Variants in SOX5 observed in about 807,000 individuals in gnomAD.
SOX5 encodes the protein transcription factor SOX-5.
A neutral mutation model predicts 92.0 loss-of-function variants in SOX5; 9 were observed. That is an observed-to-expected ratio of 0.10 (90% CI 0.06 to 0.17). SOX5 has a LOEUF of 0.17. SOX5 is among the 10% of genes least tolerant of loss of function. The pLI, the probability that SOX5 is intolerant of heterozygous loss-of-function variation, is 1.00. For missense variants in SOX5, 642 were observed against 944.5 expected, an observed-to-expected ratio of 0.68 and a Z score of 4.20; for synonymous variants, 344 against 336.3, an observed-to-expected ratio of 1.02 and a Z score of -0.25.
intron 1 of SOX5, among the ~76,000 whole-genome samples, chr12:24,549,775 T>C (rs952329815): frequency 4.6e-5 from 7 of 152,334 alleles, no homozygotes; most frequent in African/African-American, 1.2e-4. Flanking sequence ...TTAAGAATCT[T>C]AGTCGCATCC....
rs188709055 is a variant in SOX5 at position 24,459,618 on chromosome 12, G to A, written c.-250-90979C>T. ...TGGAGACATTAAGAATCAGGGAAGG[G>A]AATAAAGAAAGAAACCGACAGGAGT... On this transcript the variant is annotated intron_variant, in intron 1 of 4. Coordinates refer to the SOX5 transcript ENST00000446891. Among the ~76,000 whole-genome samples, 357 of 152,170 alleles carry A rather than the reference G, an allele frequency of 2.3e-3. 1 individual carries two copies. Among genetic ancestry groups the A allele is most frequent in the Admixed American group, 5.3e-3 (81 of 15,278 alleles).
intron 3 of SOX5, among the ~76,000 whole-genome samples, chr12:23,770,307 A>C (rs2094891031): frequency 6.6e-6 from 1 of 151,676 alleles, no homozygotes; most frequent in African/African-American, 2.4e-5. Context: ...AACGCAGAGG[A>C]CTACTACTCA....
rs2094170904 is a variant in SOX5, at chr12:23,751,219, G to GA, written c.568+4418dup. 2.6e-5 allele frequency among the ~76,000 whole-genome samples: 4 copies of GA among 151,810 alleles called. No individual in the cohort carries two copies. In the South Asian group the frequency reaches 8.3e-4, roughly 31 times the overall value. On this transcript the variant is annotated intron_variant, in intron 4 of 14. Coordinates refer to ENST00000451604, the MANE Select transcript of SOX5 (RefSeq NM_006940.6). ...AATTCCAGATCCAACAGTTCTCTCAGAAAATAATAAACATTTCCAACCCCT... is the reference window on the plus strand; with the variant it reads ...AATTCCAGATCCAACAGTTCTCTCAGAAAAATAATAAACATTTCCAACCCCT...
intron 6 of SOX5, among the ~76,000 whole-genome samples, chr12:23,722,502 C>T (rs192261781): frequency 4.6e-5 from 7 of 152,220 alleles, no homozygotes; most frequent in Non-Finnish European, 1.0e-4. Flanking sequence ...TCTATAGTTA[C>T]ATATTTTTTA....
At chr12:23,779,814 T>TATATATATATATATAC (rs777013504) in intron 3 of SOX5, among the ~76,000 whole-genome samples, 31 of 110,796 alleles carry the variant, frequency 2.8e-4, no homozygotes, top group African/African-American at 7.8e-4. Flanking sequence ...TATATATATA[T>TATATATATATATATAC]ACACACACAC....
chr12:23,937,159 AC>A (rs1942758287), intron 1 of SOX5, among the ~76,000 whole-genome samples: 1 of 151,024 alleles, frequency 6.6e-6, no homozygotes, highest in Admixed American at 6.6e-5. Flanking sequence ...GTTTAAAAAG[AC>A]AAAGTATATC....
intron 3 of SOX5, among the ~76,000 whole-genome samples, chr12:24,235,500 A>G (rs1332400707): frequency 6.6e-6 from 1 of 152,212 alleles, no homozygotes. Flanking sequence ...CCCTACATTA[A>G]TTTGTACTCT....
intron 2 of SOX5, among the ~76,000 whole-genome samples, chr12:24,280,301 C>A (rs938002603): frequency 2.0e-5 from 3 of 152,116 alleles, no homozygotes; most frequent in Admixed American, 6.6e-5. Flanking sequence ...ACTTTCAACA[C>A]TGTGCCGTGA....
intron 6 of SOX5, among the ~76,000 whole-genome samples, chr12:23,703,901 C>T (rs2091016600): frequency 6.6e-6 from 1 of 151,958 alleles, no homozygotes; most frequent in Non-Finnish European, 1.5e-5. Context: ...GAGCAAACTG[C>T]ACATACTATG....
At chr12:23,892,502 C>A (rs2097138933) in intron 2 of SOX5, among the ~76,000 whole-genome samples, 1 of 152,090 alleles carries the variant, frequency 6.6e-6, no homozygotes, top group African/African-American at 2.4e-5. Flanking sequence ...CTATGTGCAA[C>A]AGAGCCCACA....
intron 3 of SOX5, among the ~76,000 whole-genome samples, chr12:23,845,624 T>G (rs1377454977): frequency 3.5e-5 from 5 of 144,100 alleles, no homozygotes; most frequent in Non-Finnish European, 6.0e-5. Flanking sequence ...TGTAGTGAAA[T>G]TCTACATTAA....
At chr12:23,680,325 C>CAAAAAAAAAAAAAA (rs57754255) in intron 6 of SOX5, among the ~76,000 whole-genome samples, 3 of 48,384 alleles carry the variant, frequency 6.2e-5, no homozygotes, top group Non-Finnish European at 1.2e-4. Flanking sequence ...GACCTTGTCT[C>CAAAAAAAAAAAAAA]AAAAAAAAAA....
chr12:24,503,938 G>A (rs1455275296), intron 1 of SOX5, among the ~76,000 whole-genome samples: 6 of 151,880 alleles, frequency 4.0e-5, no homozygotes, highest in South Asian at 2.1e-4. Context: ...AAACCTGCAC[G>A]TTCTGCAAAT....
chr12:24,028,376 T>C (rs1450098097), intron 4 of SOX5, among the ~76,000 whole-genome samples: 1 of 152,016 alleles, frequency 6.6e-6, no homozygotes. Flanking sequence ...TTTGGATTAA[T>C]AGGAGCACGG....
chr12:24,232,943 T>A (rs1280912128), intron 3 of SOX5, among the ~76,000 whole-genome samples: 1 of 152,222 alleles, frequency 6.6e-6, no homozygotes, highest in East Asian at 1.9e-4. Context: ...GAAGCCACCA[T>A]GTGATAAAAA....
At chr12:23,864,607 G>C (rs1370664341) in intron 2 of SOX5, among the ~76,000 whole-genome samples, 2 of 152,130 alleles carry the variant, frequency 1.3e-5, no homozygotes, top group Non-Finnish European at 2.9e-5. Context: ...GAGAAGATCA[G>C]AGCAGCCACA....
At chr12:24,544,629 T>C (rs1952442557) in intron 1 of SOX5, among the ~76,000 whole-genome samples, 1 of 152,088 alleles carries the variant, frequency 6.6e-6, no homozygotes, top group African/African-American at 2.4e-5. Context: ...CTCACATGCA[T>C]ACACACACAC....
chr12:23,865,552 G>C (rs1454391236), intron 2 of SOX5, among the ~76,000 whole-genome samples: 1 of 152,084 alleles, frequency 6.6e-6, no homozygotes, highest in Non-Finnish European at 1.5e-5. Context: ...GCACGTGCCT[G>C]TAGTCCCAGC....
intron 2 of SOX5, among the ~76,000 whole-genome samples, chr12:23,858,718 G>A (rs1222900419): frequency 6.6e-6 from 1 of 152,082 alleles, no homozygotes; most frequent in Admixed American, 6.6e-5. Flanking sequence ...GGAATATAAG[G>A]CATTCTACAG....
Sources: gnomAD v4.1 joint callset for allele counts (sites outside exome capture counted in the v4.1 genomes callset) on GRCh38, gnomAD v4.1.1 for gene constraint, MANE v1.5 for transcripts, NCBI Gene and HGNC (gene_info 2026-07-23, HGNC 2026-07-21) for gene names.